Variants in CNTNAP2 observed in about 807,000 individuals in gnomAD.
CNTNAP2 encodes contactin-associated protein-like 2.
A neutral mutation model predicts 155.2 loss-of-function variants in CNTNAP2; 98 were observed. The ratio of observed to expected loss-of-function variants is 0.63; its 90% CI spans 0.54 to 0.75. The LOEUF (loss-of-function observed/expected upper bound fraction) is 0.75, where lower values mean the gene tolerates loss of function less well. Ranked by LOEUF, CNTNAP2 falls within the 30% of genes least tolerant of loss-of-function variation. The pLI, the probability that CNTNAP2 is intolerant of heterozygous loss-of-function variation, is 0.00. For synonymous variants in CNTNAP2, 651 were observed against 631.2 expected, an observed-to-expected ratio of 1.03 and a Z score of -0.47; for missense variants, 1,727 against 1,688.1, an observed-to-expected ratio of 1.02 and a Z score of -0.40.
chr7:146,471,548 T>C (rs1317115742), intron 1 of CNTNAP2, among the ~76,000 whole-genome samples: 1 of 152,252 alleles, frequency 6.6e-6, no homozygotes, highest in African/African-American at 2.4e-5. Flanking sequence ...CACTCCTTTC[T>C]GTTCCATTTC....
chr7:147,689,974 T>C (rs146507536), intron 13 of CNTNAP2, among the ~76,000 whole-genome samples: 2,501 of 150,508 alleles, frequency 0.017, 222 homozygotes, highest in Admixed American at 0.15. Context: ...ATTGTGTGGC[T>C]TGAGGAACTA....
rs1799812371 is a variant in CNTNAP2, at chr7:147,549,670, C to G, written c.1778-12468C>G. On this transcript the variant is annotated intron_variant, in intron 11 of 23. Transcript: ENST00000361727. The stretch of plus-strand genomic sequence containing the variant: ...AGACCAATGCCTCCCATGGCAAATC[C>G]TGCTGAGGTCTATAAAAAGTAGTCA... Among the ~76,000 whole-genome samples, 3 of 152,128 alleles carry G rather than the reference C, an allele frequency of 2.0e-5. No individual in the cohort carries two copies. The South Asian group carries it at 6.2e-4, about 31-fold the overall frequency.
intron 21 of CNTNAP2, chr7:148,339,484 G>C (rs1230390996): frequency 6.6e-6 from 1 of 152,178 alleles, no homozygotes; most frequent in Non-Finnish European, 1.5e-5. Context: ...TTGATCCCGA[G>C]AGCGGTGGAC....
intron 20 of CNTNAP2, among the ~76,000 whole-genome samples, chr7:148,247,069 T>A (rs748891030): frequency 6.6e-6 from 1 of 152,178 alleles, no homozygotes; most frequent in Non-Finnish European, 1.5e-5. Flanking sequence ...CAAAAATGAT[T>A]GACACAAACC....
intron 1 of CNTNAP2, among the ~76,000 whole-genome samples, chr7:146,172,980 T>G (rs963114075): frequency 2.0e-5 from 3 of 152,142 alleles, no homozygotes; most frequent in African/African-American, 4.8e-5. Context: ...GTGTGTGTGT[T>G]TTTTTTCTAA....
intron 1 of CNTNAP2, among the ~76,000 whole-genome samples, chr7:146,574,836 G>A (rs1487874666): frequency 6.6e-6 from 1 of 152,152 alleles, no homozygotes; most frequent in African/African-American, 2.4e-5. Context: ...AGTGGGAACA[G>A]TAGATAATGA....
At chr7:146,353,010 T>A (rs1794945132) in intron 1 of CNTNAP2, among the ~76,000 whole-genome samples, 1 of 152,046 alleles carries the variant, frequency 6.6e-6, no homozygotes, top group African/African-American at 2.4e-5. Context: ...CACCTCGGCC[T>A]CCCCAAGTGC....
intron 1 of CNTNAP2, among the ~76,000 whole-genome samples, chr7:146,132,654 G>C (rs909906019): frequency 6.7e-6 from 1 of 149,364 alleles, no homozygotes; most frequent in Non-Finnish European, 1.5e-5. Flanking sequence ...CTATGAGTGA[G>C]AATATGCGGT....
At chr7:146,244,037 C>A (rs970471172) in intron 1 of CNTNAP2, among the ~76,000 whole-genome samples, 1 of 151,934 alleles carries the variant, frequency 6.6e-6, no homozygotes, top group Non-Finnish European at 1.5e-5. Context: ...TTAGAAGGAA[C>A]ATTTGTAATT....
intron 21 of CNTNAP2, among the ~76,000 whole-genome samples, chr7:148,312,637 A>G (rs1797614542): frequency 6.6e-6 from 1 of 152,188 alleles, no homozygotes; most frequent in Admixed American, 6.5e-5. Flanking sequence ...TTTGGTTGAT[A>G]AGGCGCAGAT....
intron 1 of CNTNAP2, among the ~76,000 whole-genome samples, chr7:146,597,208 C>T (rs779801063): frequency 2.4e-4 from 37 of 151,856 alleles, no homozygotes; most frequent in African/African-American, 7.2e-4. Flanking sequence ...GTTTGGTGGC[C>T]GTTGTTGGCA....
At chr7:147,615,152 TACTTGGGAGGCTGAAGTGGAAGGATC>T (rs1801257122) in intron 12 of CNTNAP2, among the ~76,000 whole-genome samples, 1 of 147,756 alleles carries the variant, frequency 6.8e-6, no homozygotes, top group African/African-American at 2.5e-5. Context: ...CAGTCTTAGC[TACTTGGGAGGCTGAAGTGGAAGGATC>T]ACTTGAGCCT....
chr7:148,154,538 A>G (rs925221811), intron 17 of CNTNAP2, among the ~76,000 whole-genome samples: 5 of 152,218 alleles, frequency 3.3e-5, no homozygotes, highest in East Asian at 1.9e-4. Flanking sequence ...AGAAAATCGC[A>G]TTTGTGTGTG....
chr7:147,985,888 AG>A (rs1328927040), intron 15 of CNTNAP2, among the ~76,000 whole-genome samples: 1 of 151,986 alleles, frequency 6.6e-6, no homozygotes, highest in East Asian at 1.9e-4. Flanking sequence ...GAGAAATCTC[AG>A]GGCGCTGGGG....
In CNTNAP2 at chr7:147,043,951, A is replaced by G. The variant is rs756407470; in HGVS notation, c.447A>G (p.Glu149=). The part of the protein sequence containing the change: ...NINSDGVVRH[E]LQHPIIARYV... ...ACTCTGACGGTGTGGTCCGGCACGA[A>G]TTACAGCATCCGATTATTGCCCGCT... Residue 149 remains glutamate, a synonymous_variant, in exon 4 of 24, where the codon GAA becomes GAG. Coordinates refer to ENST00000361727, the MANE Select transcript of CNTNAP2 (RefSeq NM_014141.6). The G allele has an allele frequency of 2.5e-5, 41 of 1,614,196 alleles. No homozygotes were observed. The South Asian group carries it at 3.6e-4, about 14-fold the overall frequency.
chr7:146,774,393 T>G lies in CNTNAP2; in HGVS notation c.208+12T>G. 1 of 1,567,550 alleles carries G rather than the reference T, an allele frequency of 6.4e-7. No individual in the cohort carries two copies. On this transcript the variant is annotated intron_variant, in intron 2 of 23. Coordinates refer to ENST00000361727, the MANE Select transcript of CNTNAP2 (RefSeq NM_014141.6). The stretch of plus-strand genomic sequence containing the variant: ...AAACAAGAGAGGAGGTAAGCCAAAT[T>G]TTGATTCTTTTATCAATAAACATGT...
intron 2 of CNTNAP2, among the ~76,000 whole-genome samples, chr7:146,831,715 C>G (rs1455886622): frequency 7.5e-6 from 1 of 132,988 alleles, no homozygotes; most frequent in Non-Finnish European, 1.6e-5. Context: ...GCCACTTTGT[C>G]TGTCTTATTA....
intron 13 of CNTNAP2, among the ~76,000 whole-genome samples, chr7:147,710,245 T>A (rs1040544659): frequency 6.6e-6 from 1 of 152,200 alleles, no homozygotes; most frequent in African/African-American, 2.4e-5. Flanking sequence ...CCTAGGAATA[T>A]GTGCACTGAC....
At chr7:146,825,293 A>C (rs140287213) in intron 2 of CNTNAP2, among the ~76,000 whole-genome samples, 343 of 152,240 alleles carry the variant, frequency 2.3e-3, no homozygotes, top group African/African-American at 7.9e-3. Context: ...AAGTAGCTGG[A>C]TATGTGTGCC....
Sources: gnomAD v4.1 joint callset for allele counts (sites outside exome capture counted in the v4.1 genomes callset) on GRCh38, gnomAD v4.1.1 for gene constraint, MANE v1.5 for transcripts, NCBI Gene and HGNC (gene_info 2026-07-23, HGNC 2026-07-21) for gene names.